Variants in CLN6 observed in about 807,000 individuals in gnomAD.
The protein encoded by CLN6 is CLN6 transmembrane ER protein, also known as ceroid-lipofuscinosis neuronal protein 6.
Under a neutral mutation model 33.3 loss-of-function variants are expected in CLN6, and 22 were observed. The ratio of observed to expected loss-of-function variants is 0.66; its 90% CI spans 0.47 to 0.94. CLN6 has a LOEUF of 0.94. CLN6 is among the 40% of genes least tolerant of loss of function. The pLI, the probability that CLN6 is intolerant of heterozygous loss-of-function variation, is 0.00. For synonymous variants in CLN6, 201 were observed against 174.6 expected, an observed-to-expected ratio of 1.15 and a Z score of -1.19; for missense variants, 387 against 417.1, an observed-to-expected ratio of 0.93 and a Z score of 0.63.
chr15:68,232,265 C>G (rs978529691), upstream of CLN6, among the ~76,000 whole-genome samples: 8 of 150,762 alleles, frequency 5.3e-5, 1 homozygote, highest in Admixed American at 4.7e-4. The surrounding 1 kb of genome is among the most constrained non-coding windows in gnomAD (Gnocchi z 4.7). Context: ...TCAAGTGATT[C>G]TCCTGCCTCA....
rs866822614 is a variant in CLN6, at chr15:68,241,347, T to C, written c.179+15343A>G. ...GAGGATGAGGCAGTTCCTGGAGTCA[T>C]AGAGAAGTGAAAAAGCTCTGAGCAG... On this transcript the variant is annotated intron_variant, in intron 1 of 6. Transcript: ENST00000538696. This position sits in a 1 kb window ranked among gnomAD's most constrained non-coding sequence, Gnocchi z 4.2. 1.3e-5 allele frequency among the ~76,000 whole-genome samples: 2 copies of C among 151,814 alleles called. No individual in the cohort carries two copies. The highest frequency in any genetic ancestry group is 2.9e-5 in the Non-Finnish European group (2 of 67,898).
At chr15:68,249,172 C>G (rs1039208625) in intron 1 of CLN6, among the ~76,000 whole-genome samples, 2 of 152,132 alleles carry the variant, frequency 1.3e-5, no homozygotes, top group East Asian at 1.9e-4. Context: ...GAAGGAATAA[C>G]AGAGGCTGGT....
intron 1 of CLN6, among the ~76,000 whole-genome samples, chr15:68,237,536 G>A (rs1210468569): frequency 6.6e-6 from 1 of 152,024 alleles, no homozygotes; most frequent in Admixed American, 6.6e-5. Context: ...TCAGTGGACA[G>A]GCTAAACTAT....
At chr15:68,229,787 G>GGCGGA (rs147965477), upstream of CLN6, 175 of 342,246 alleles carry the variant, frequency 5.1e-4, no homozygotes, top group East Asian at 9.0e-4. Context: ...AGGGAGGCGG[G>GGCGGA]GCGGAGGGAG....
At position 68,254,932 on chromosome 15, in the gene CLN6, C is replaced by T. The variant is rs989550359; in HGVS notation, c.179+1758G>A. ...TGTGTGCATTTTTGATAACTGTGTA[C>T]TTCTGGTGACTGTACAGTTTGAAAT... On this transcript the variant is annotated intron_variant, in intron 1 of 6. Coordinates refer to the CLN6 transcript ENST00000538696. 20 of 1,043,770 alleles carry T rather than the reference C, an allele frequency of 1.9e-5. No homozygotes were observed. The East Asian group carries it at 4.5e-4, about 23-fold the overall frequency. The allele number at this position is 1,043,770 out of a possible 1,614,324, so 64.7% of individuals were successfully genotyped here.
At position 68,209,111 on chromosome 15, in the gene CLN6, G is replaced by T. The variant is rs1331208117; in HGVS notation, c.665+526C>A. On this transcript the variant is annotated intron_variant, in intron 6 of 6. Coordinates refer to ENST00000249806, the MANE Select transcript of CLN6 (RefSeq NM_017882.3). This position sits in a 1 kb window ranked among gnomAD's most constrained non-coding sequence, Gnocchi z 4.9. The stretch of plus-strand genomic sequence containing the variant: ...CCTAAGTCCTCTGCAATGGGAAGAA[G>T]AGAGAGCCAGAGGGAACAAAGACCC... Among the ~76,000 whole-genome samples, 7 of 152,346 alleles carry T rather than the reference G, an allele frequency of 4.6e-5. 1 individual carries two copies. The South Asian group carries it at 1.4e-3, about 32-fold the overall frequency.
In CLN6 at chr15:68,211,407, C is replaced by T. The variant is rs1011355697; in HGVS notation, c.487-89G>A. On this transcript the variant is annotated intron_variant, in intron 4 of 6. Coordinates refer to ENST00000249806, the MANE Select transcript of CLN6 (RefSeq NM_017882.3). This position sits in a 1 kb window ranked among gnomAD's most constrained non-coding sequence, Gnocchi z 5.9. Reference sequence around the variant, plus strand: ...GCCCCAAGCATCCCCTCTGACCACCCTTCTCCCAGTCCCAGGCCTCCCCCA... The same window carrying T: ...GCCCCAAGCATCCCCTCTGACCACCTTTCTCCCAGTCCCAGGCCTCCCCCA... 1.0e-5 allele frequency: 16 copies of T among 1,546,712 alleles called. No homozygotes were observed. In the African/African-American group the frequency reaches 2.2e-4, roughly 21 times the overall value.
rs1301781960 is a variant in CLN6 at position 68,241,439 on chromosome 15, G to A, written c.179+15251C>T. On this transcript the variant is annotated intron_variant, in intron 1 of 6. Transcript: ENST00000538696. This position sits in a 1 kb window ranked among gnomAD's most constrained non-coding sequence, Gnocchi z 4.2. ...CTATAATCTGCCCAGCACCAAGTGT[G>A]TGGGAAATTTCCCGACTCAACGATT... 6.6e-6 allele frequency among the ~76,000 whole-genome samples: 1 copy of A among 152,160 alleles called. No homozygotes were observed. The highest frequency in any genetic ancestry group is 1.5e-5 in the Non-Finnish European group (1 of 68,030).
rs567261598 is a variant in CLN6 at position 68,207,595 on chromosome 15, G to C, written c.*545C>G. On this transcript the variant is annotated 3_prime_UTR_variant, in exon 7 of 7. Transcript: ENST00000249806. ...AACCCCAACCTACTGACCTACTTTG[G>C]GACCACAGGCCCATCTAGTGCAAAT... The C allele has an allele frequency of 3.7e-4, 69 of 185,472 alleles. No individual in the cohort carries two copies. The highest frequency in any genetic ancestry group is 1.6e-3 in the African/African-American group (68 of 42,660). 11.5% of individuals were successfully genotyped at this position (185,472 alleles called of 1,614,324 possible). A position where few individuals can be genotyped will look rare whatever the true frequency, so the allele number is the denominator to read the frequency against.
At chr15:68,232,591 C>G (rs1255471241), upstream of CLN6, among the ~76,000 whole-genome samples, 1 of 152,220 alleles carries the variant, frequency 6.6e-6, no homozygotes, top group Non-Finnish European at 1.5e-5. The surrounding 1 kb of genome is among the most constrained non-coding windows in gnomAD (Gnocchi z 4.7). Context: ...CCTCCTCTCC[C>G]CTTGGCCCCA....
In CLN6 at chr15:68,219,031, C is replaced by T. The variant is rs771848489; in HGVS notation, c.84-381G>A. On this transcript the variant is annotated intron_variant, in intron 1 of 6. Transcript: ENST00000249806. This position sits in a 1 kb window ranked among gnomAD's most constrained non-coding sequence, Gnocchi z 4.2. Reference sequence around the variant, plus strand: ...AGTTGAGCACTTACTATATCCCAGGCACTACTGTTAGCTGTTTACATGTAT... The same window carrying T: ...AGTTGAGCACTTACTATATCCCAGGTACTACTGTTAGCTGTTTACATGTAT... Among the ~76,000 whole-genome samples, 4 of 152,184 alleles carry T rather than the reference C, an allele frequency of 2.6e-5. No homozygotes were observed. The highest frequency in any genetic ancestry group is 5.9e-5 in the Non-Finnish European group (4 of 68,044).
At chr15:68,231,694 C>T (rs1336564387), upstream of CLN6, among the ~76,000 whole-genome samples, 2 of 152,222 alleles carry the variant, frequency 1.3e-5, no homozygotes, top group Non-Finnish European at 2.9e-5. Context: ...CTCATTTAAT[C>T]CTCCAATCTC....
rs1410704148 is a variant in CLN6 at position 68,220,241 on chromosome 15, AC to A, written c.84-1592del. Among the ~76,000 whole-genome samples the A allele has an allele frequency of 6.6e-6, 1 of 152,130 alleles. No homozygotes were observed. Among genetic ancestry groups the A allele is most frequent in the Non-Finnish European group, 1.5e-5 (1 of 68,020 alleles). On this transcript the variant is annotated intron_variant, in intron 1 of 6. Coordinates refer to ENST00000249806, the MANE Select transcript of CLN6 (RefSeq NM_017882.3). This position sits in a 1 kb window ranked among gnomAD's most constrained non-coding sequence, Gnocchi z 4.2. ...GGTATCTTCCACCCCCTCACTGAACACCAACTATGTGCAATGCTAGGTCTTT... is the reference window on the plus strand; with the variant it reads ...GGTATCTTCCACCCCCTCACTGAACACAACTATGTGCAATGCTAGGTCTTT...
intron 1 of CLN6, among the ~76,000 whole-genome samples, chr15:68,254,039 G>C (rs1347853918): frequency 6.6e-6 from 1 of 151,700 alleles, no homozygotes; most frequent in South Asian, 2.1e-4. Context: ...CACCGCGCCC[G>C]GCTAATTTTT....
Position 68,224,052 on chromosome 15 carries a change from A to AAAC in CLN6, c.84-5405_84-5403dup, listed in dbSNP as rs146628174. On this transcript the variant is annotated intron_variant, in intron 1 of 6. Transcript: ENST00000249806. ...TAAGAGTGAAACTGTCTCAAAAAGAAAACAACAACAACAACAACAACAACA... is the reference window on the plus strand; with the variant it reads ...TAAGAGTGAAACTGTCTCAAAAAGAAAACAACAACAACAACAACAACAACAACA... 9.1e-3 allele frequency among the ~76,000 whole-genome samples: 1,375 copies of AAAC among 151,304 alleles called. 9 individuals carry two copies. The highest frequency in any genetic ancestry group is 0.012 in the Non-Finnish European group (819 of 67,904).
At chr15:68,255,479 T>C (rs1007125587) in intron 1 of CLN6, among the ~76,000 whole-genome samples, 4 of 152,234 alleles carry the variant, frequency 2.6e-5, no homozygotes, top group Admixed American at 2.0e-4. Context: ...TCATGAAACA[T>C]TGTTAAACAA....
chr15:68,233,697 A>T (rs376569786), upstream of CLN6, among the ~76,000 whole-genome samples: 1 of 152,248 alleles, frequency 6.6e-6, no homozygotes, highest in Non-Finnish European at 1.5e-5. The surrounding 1 kb of genome is among the most constrained non-coding windows in gnomAD (Gnocchi z 4.3). Context: ...CTGGGACTCC[A>T]GAAGGCAGAC....
At position 68,227,058 on chromosome 15, in the gene CLN6, T is replaced by C. The variant is rs2093254443; in HGVS notation, c.83+2444A>G. On this transcript the variant is annotated intron_variant, in intron 1 of 6. Transcript: ENST00000249806. This position sits in a 1 kb window ranked among gnomAD's most constrained non-coding sequence, Gnocchi z 4.1. Reference sequence around the variant, plus strand: ...TTTCTTTTTTTACTTTTTTTTTTTTTTGAGACAGTCTCACTGTCATCCAGG... The same window carrying C: ...TTTCTTTTTTTACTTTTTTTTTTTTCTGAGACAGTCTCACTGTCATCCAGG... 6.6e-6 allele frequency among the ~76,000 whole-genome samples: 1 copy of C among 151,778 alleles called. No homozygotes were observed.
rs1223881332 is a variant in CLN6 at position 68,211,147 on chromosome 15, ACT to A, written c.542+114_542+115del. On this transcript the variant is annotated intron_variant, in intron 5 of 6. Coordinates refer to ENST00000249806, the MANE Select transcript of CLN6 (RefSeq NM_017882.3). This position sits in a 1 kb window ranked among gnomAD's most constrained non-coding sequence, Gnocchi z 5.9. The stretch of plus-strand genomic sequence containing the variant: ...TCACAGTGCCTTTACAGGGGATGAG[ACT>A]CAACACATGGAGACCCGCAGCCCAG... 1.1e-6 allele frequency: 1 copy of A among 891,980 alleles called. No homozygotes were observed. Among genetic ancestry groups the A allele is most frequent in the East Asian group, 2.4e-5 (1 of 41,660 alleles). 55.3% of individuals were successfully genotyped at this position (891,980 alleles called of 1,614,324 possible).
Sources: allele counts gnomAD v4.1 joint callset (sites outside exome capture counted in the v4.1 genomes callset), GRCh38; gene constraint gnomAD v4.1.1; non-coding constraint Gnocchi (gnomAD v3.1); transcripts MANE v1.5; gene names NCBI Gene and HGNC (gene_info 2026-07-23, HGNC 2026-07-21).